Variants in VWC2L observed in about 807,000 individuals in gnomAD.
VWC2L encodes von Willebrand factor C domain containing 2 like.
In VWC2L, 10 loss-of-function variants were observed where a neutral mutation model predicts 21.6. The ratio of observed to expected loss-of-function variants is 0.46; its 90% CI spans 0.29 to 0.78. VWC2L has a LOEUF of 0.78. Ranked by LOEUF, VWC2L falls within the 30% of genes least tolerant of loss-of-function variation. The pLI is 0.10. For synonymous variants in VWC2L, 96 were observed against 94.3 expected, an observed-to-expected ratio of 1.02 and a Z score of -0.10; for missense variants, 209 against 277.1, an observed-to-expected ratio of 0.75 and a Z score of 1.74.
At chr2:214,428,815 A>C (rs991426381) in intron 2 of VWC2L, among the ~76,000 whole-genome samples, 1 of 33,700 alleles carries the variant, frequency 3.0e-5, no homozygotes, top group Non-Finnish European at 5.9e-5. Context: ...AGACAGTGGC[A>C]AAAAAAAAAA....
intron 2 of VWC2L, among the ~76,000 whole-genome samples, chr2:214,434,054 C>T (rs1702641729): frequency 6.6e-6 from 1 of 152,168 alleles, no homozygotes; most frequent in Non-Finnish European, 1.5e-5. Context: ...GGATGGCGTA[C>T]AGTACATAAA....
chr2:214,577,975 T>G lies in VWC2L; in HGVS notation c.*2155T>G, dbSNP rs7568263. 8 of 152,026 alleles carry G rather than the reference T, an allele frequency of 5.3e-5. No homozygotes were observed. The highest frequency in any genetic ancestry group is 1.9e-4 in the African/African-American group (8 of 41,446). 9.4% of individuals were successfully genotyped at this position (152,026 alleles called of 1,614,324 possible). A position where few individuals can be genotyped will look rare whatever the true frequency, so the allele number is the denominator to read the frequency against. On this transcript the variant is annotated 3_prime_UTR_variant, in exon 4 of 4. Transcript: ENST00000312504. ...CATGGATACATCATATAGACAGTCA[T>G]GAATCATTCATGAGCAATGCTGCAT...
chr2:214,539,123 C>T (rs919228122), intron 3 of VWC2L, among the ~76,000 whole-genome samples: 2 of 152,066 alleles, frequency 1.3e-5, no homozygotes, highest in Non-Finnish European at 1.5e-5. Context: ...GTGCTCTCCT[C>T]GGATGCCACA....
intron 3 of VWC2L, among the ~76,000 whole-genome samples, chr2:214,520,379 T>A (rs1264854302): frequency 6.6e-6 from 1 of 152,216 alleles, no homozygotes; most frequent in Admixed American, 6.5e-5. Context: ...CCATTTTTTT[T>A]TAATGTAGCA....
At chr2:214,571,031 T>G (rs910498035) in intron 3 of VWC2L, among the ~76,000 whole-genome samples, 2 of 152,216 alleles carry the variant, frequency 1.3e-5, no homozygotes, top group Non-Finnish European at 2.9e-5. Flanking sequence ...TAAATTATGT[T>G]TTCTGAAGAC....
intron 3 of VWC2L, among the ~76,000 whole-genome samples, chr2:214,495,789 C>A (rs898551959): frequency 1.3e-5 from 2 of 152,168 alleles, no homozygotes; most frequent in Admixed American, 1.3e-4. Context: ...TATTATTTTA[C>A]ACATAAGGAT....
At chr2:214,462,575 T>C (rs1007013174) in intron 3 of VWC2L, among the ~76,000 whole-genome samples, 9 of 152,222 alleles carry the variant, frequency 5.9e-5, no homozygotes, top group Non-Finnish European at 8.8e-5. Flanking sequence ...ATTTTTCTCA[T>C]GTATATTTCT....
At chr2:214,521,842 C>CA (rs1574614126) in intron 3 of VWC2L, among the ~76,000 whole-genome samples, 1 of 152,218 alleles carries the variant, frequency 6.6e-6, no homozygotes, top group South Asian at 2.1e-4. Flanking sequence ...TCTGTATGAG[C>CA]AAAAAAGTAG....
chr2:214,509,422 C>G (rs577753237), intron 3 of VWC2L, among the ~76,000 whole-genome samples: 49 of 151,666 alleles, frequency 3.2e-4, no homozygotes, highest in African/African-American at 1.2e-3. Context: ...TACCCCAAGA[C>G]AGAATTTTTT....
At chr2:214,558,779 C>T (rs942786192) in intron 3 of VWC2L, among the ~76,000 whole-genome samples, 1 of 151,654 alleles carries the variant, frequency 6.6e-6, no homozygotes, top group Non-Finnish European at 1.5e-5. Flanking sequence ...TGCAATTGCA[C>T]CTTAGATGCA....
intron 2 of VWC2L, among the ~76,000 whole-genome samples, chr2:214,432,150 G>A (rs1452014149): frequency 6.6e-6 from 1 of 152,130 alleles, no homozygotes; most frequent in Admixed American, 6.5e-5. Context: ...CCAGAGATAT[G>A]GTTTAGCAAA....
chr2:214,520,617 A>G (rs547811714), intron 3 of VWC2L, among the ~76,000 whole-genome samples: 4 of 152,314 alleles, frequency 2.6e-5, no homozygotes, highest in Admixed American at 6.5e-5. Context: ...ATACCAGCTG[A>G]TATTCTCACC....
In VWC2L at chr2:214,578,413, C is replaced by T. The variant is rs1690266478; in HGVS notation, c.*2593C>T. 6.6e-6 allele frequency: 1 copy of T among 152,140 alleles called. No individual in the cohort carries two copies. Among genetic ancestry groups the T allele is most frequent in the Admixed American group, 6.5e-5 (1 of 15,268 alleles). The allele number at this position is 152,140 out of a possible 1,614,324, so 9.4% of individuals were successfully genotyped here. A position where few individuals can be genotyped will look rare whatever the true frequency, so the allele number is the denominator to read the frequency against. On this transcript the variant is annotated 3_prime_UTR_variant, in exon 4 of 4. Transcript: ENST00000312504. ...CAGGCTGTTCTGTGGCCTCTGATAA[C>T]CAGCTAGAGAGAGGGATTTTTATGG... is the stretch of plus-strand genomic sequence containing the variant.
intron 3 of VWC2L, among the ~76,000 whole-genome samples, chr2:214,466,170 G>A (rs1703214547): frequency 6.6e-6 from 1 of 152,130 alleles, no homozygotes; most frequent in Non-Finnish European, 1.5e-5. Flanking sequence ...CTTGTTGGGG[G>A]AATGACTACT....
intron 3 of VWC2L, among the ~76,000 whole-genome samples, chr2:214,443,081 G>C (rs1559292272): frequency 1.3e-5 from 2 of 152,098 alleles, no homozygotes; most frequent in South Asian, 4.2e-4. Flanking sequence ...CTGAGTTTTT[G>C]TATCGAAGTC....
At chr2:214,503,254 G>C (rs1227238439) in intron 3 of VWC2L, among the ~76,000 whole-genome samples, 1 of 152,100 alleles carries the variant, frequency 6.6e-6, no homozygotes, top group Non-Finnish European at 1.5e-5. Flanking sequence ...AAGTTAACAA[G>C]TCCTCGATTC....
At chr2:214,428,264 T>C (rs1702554181) in intron 2 of VWC2L, among the ~76,000 whole-genome samples, 1 of 152,202 alleles carries the variant, frequency 6.6e-6, no homozygotes, top group African/African-American at 2.4e-5. Flanking sequence ...AATATTTTAT[T>C]ATTAGCTCCA....
intron 3 of VWC2L, among the ~76,000 whole-genome samples, chr2:214,481,976 G>A (rs1251928520): frequency 1.3e-5 from 2 of 152,084 alleles, no homozygotes; most frequent in African/African-American, 2.4e-5. Flanking sequence ...TGCAATTAAC[G>A]GAGAAAATAA....
At chr2:214,489,525 A>C (rs1189835566) in intron 3 of VWC2L, among the ~76,000 whole-genome samples, 1 of 152,212 alleles carries the variant, frequency 6.6e-6, no homozygotes, top group Non-Finnish European at 1.5e-5. Flanking sequence ...AATAGCATTT[A>C]AATGGTAACC....
Sources: gnomAD v4.1 joint callset for allele counts (sites outside exome capture counted in the v4.1 genomes callset) on GRCh38, gnomAD v4.1.1 for gene constraint, MANE v1.5 for transcripts, NCBI Gene and HGNC (gene_info 2026-07-23, HGNC 2026-07-21) for gene names.